The following BTC variants were observed in gnomAD, a reference collection of about 807,000 sequenced individuals.
The protein encoded by BTC is betacellulin.
BTC carries 13 observed loss-of-function variants against 18.1 expected under a neutral mutation model. The observed-to-expected ratio is 0.72, with a 90% CI of 0.47 to 1.14. BTC has a LOEUF of 1.14. Among genes scored for constraint, BTC ranks in the 50% most tolerant of loss-of-function variants. The probability of loss-of-function intolerance (pLI) is 0.00; values close to 1 mark genes in which losing one functional copy is unlikely to be tolerated. For synonymous variants in BTC, 83 were observed against 79.4 expected (o/e 1.05, Z -0.24); for missense variants, 247 against 224.2 (o/e 1.10, Z -0.65).
At chr4:74,755,629 C>G (rs544857072) in intron 3 of BTC, among the ~76,000 whole-genome samples, 1 of 152,284 alleles carries the variant, frequency 6.6e-6, no homozygotes, top group Admixed American at 6.5e-5. Flanking sequence ...ACTGCCCAGC[C>G]CAGAAGTGGA....
intron 1 of BTC, among the ~76,000 whole-genome samples, chr4:74,790,171 T>C (rs1725583865): frequency 1.3e-5 from 2 of 152,208 alleles, no homozygotes; most frequent in Admixed American, 6.5e-5. Flanking sequence ...TAGTAGAGCC[T>C]GATGACATTC....
chr4:74,793,661 C>T (rs1725690641), intron 1 of BTC, among the ~76,000 whole-genome samples: 1 of 152,134 alleles, frequency 6.6e-6, no homozygotes, highest in Non-Finnish European at 1.5e-5. Flanking sequence ...ATCTGAAGTT[C>T]CAGCTCTGCT....
chr4:74,792,880 T>C (rs990878670), intron 1 of BTC, among the ~76,000 whole-genome samples: 1 of 152,246 alleles, frequency 6.6e-6, no homozygotes, highest in Admixed American at 6.5e-5. Flanking sequence ...CAGGTTACCC[T>C]GCTGGGCTTG....
chr4:74,755,082 G>A (rs747441006), intron 3 of BTC, among the ~76,000 whole-genome samples: 69 of 151,834 alleles, frequency 4.5e-4, no homozygotes, highest in Admixed American at 1.6e-3. Context: ...AAAAGTTCAT[G>A]ACCCTTAAAG....
intron 3 of BTC, 147 bp downstream of exon 3, chr4:74,755,712 G>T: frequency 4.3e-6 from 3 of 698,594 alleles, no homozygotes; most frequent in Non-Finnish European, 7.4e-6. Flanking sequence ...TGCTGAGTGG[G>T]CCCCTAAACA....
intron 3 of BTC, among the ~76,000 whole-genome samples, chr4:74,754,730 A>G (rs1724550825): frequency 6.6e-6 from 1 of 152,208 alleles, no homozygotes; most frequent in African/African-American, 2.4e-5. Flanking sequence ...GGAACAATCT[A>G]TGTGTTGATC....
intron 2 of BTC, among the ~76,000 whole-genome samples, chr4:74,761,603 C>T (rs1245046453): frequency 6.6e-6 from 1 of 152,156 alleles, no homozygotes; most frequent in Non-Finnish European, 1.5e-5. Context: ...CTCAGTAAAT[C>T]ATATCCATTC....
chr4:74,755,839 G>T lies in BTC; in HGVS notation c.281+20C>A, dbSNP rs538759116. 6.2e-7 allele frequency: 1 copy of T among 1,609,342 alleles called. No homozygotes were observed. Among genetic ancestry groups the T allele is most frequent in the South Asian group, 1.1e-5 (1 of 90,946 alleles). ...CCATTCTGCACCCTTTTGCTTGCTG[G>T]CTGAGGACACTCCACTTACACACAG... On this transcript the variant is annotated intron_variant, in intron 3 of 5. Transcript: ENST00000395743.
At chr4:74,747,592 A>G (rs1205253700) in intron 5 of BTC, among the ~76,000 whole-genome samples, 2 of 152,102 alleles carry the variant, frequency 1.3e-5, no homozygotes, top group African/African-American at 4.8e-5. Flanking sequence ...TTGCATTACA[A>G]TCTCTCTATT....
intron 1 of BTC, among the ~76,000 whole-genome samples, chr4:74,784,866 T>C (rs1393049274): frequency 1.3e-5 from 2 of 152,224 alleles, no homozygotes; most frequent in African/African-American, 4.8e-5. Context: ...TCATCAAGGA[T>C]ATTGGCCTGA....
chr4:74,764,379 G>A (rs1246662196), intron 2 of BTC, among the ~76,000 whole-genome samples: 1 of 152,130 alleles, frequency 6.6e-6, no homozygotes, highest in Non-Finnish European at 1.5e-5. Flanking sequence ...GTGATGGGAA[G>A]GTCTGCATTG....
In BTC at chr4:74,748,741, T is replaced by C. The variant is rs868994401; in HGVS notation, c.429-592A>G. Among the ~76,000 whole-genome samples the C allele has an allele frequency of 4.6e-5, 7 of 152,306 alleles. No individual in the cohort carries two copies. In the South Asian group the frequency reaches 6.2e-4, roughly 14 times the overall value. On this transcript the variant is annotated intron_variant, in intron 4 of 5. Coordinates refer to ENST00000395743, the MANE Select transcript of BTC (RefSeq NM_001729.4). ...TAATAAGTATTATGTAGTGTACACG[T>C]AGTGTAAAAGAAACAGTACAAATTG...
chr4:74,788,436 C>T (rs767807266), intron 1 of BTC, among the ~76,000 whole-genome samples: 9 of 152,110 alleles, frequency 5.9e-5, no homozygotes, highest in East Asian at 1.9e-4. Context: ...TTAATCTGTA[C>T]GATGCAATTT....
chr4:74,793,819 A>G (rs115348551), intron 1 of BTC, among the ~76,000 whole-genome samples: 1,666 of 152,136 alleles, frequency 0.011, 31 homozygotes, highest in African/African-American at 0.039. Flanking sequence ...CTCCTGCAGG[A>G]TATGCTTCTT....
chr4:74,764,010 T>C (rs1457595273), intron 2 of BTC, among the ~76,000 whole-genome samples: 1 of 150,910 alleles, frequency 6.6e-6, no homozygotes, highest in Non-Finnish European at 1.5e-5. Flanking sequence ...ATAATAATAA[T>C]AAATTTTAAA....
At chr4:74,752,115 C>G (rs1553956243) in intron 3 of BTC, among the ~76,000 whole-genome samples, 1 of 152,102 alleles carries the variant, frequency 6.6e-6, no homozygotes, top group African/African-American at 2.4e-5. Flanking sequence ...GTAGCTGAGA[C>G]AGTGCTTCAA....
intron 1 of BTC, among the ~76,000 whole-genome samples, chr4:74,788,654 T>C (rs1467364084): frequency 6.6e-6 from 1 of 152,226 alleles, no homozygotes; most frequent in Non-Finnish European, 1.5e-5. Flanking sequence ...TCTGCCTTCC[T>C]CACTATCACG....
intron 3 of BTC, among the ~76,000 whole-genome samples, chr4:74,751,266 C>T (rs554615102): frequency 6.6e-6 from 1 of 152,074 alleles, no homozygotes; most frequent in Non-Finnish European, 1.5e-5. Flanking sequence ...GAATTTCTTT[C>T]GTCTTTCCTC....
chr4:74,748,536 A>G (rs1724360048), intron 4 of BTC, among the ~76,000 whole-genome samples: 1 of 146,254 alleles, frequency 6.8e-6, no homozygotes, highest in Admixed American at 6.8e-5. Context: ...ACTCCGTCAC[A>G]AAAAAAAAAA....
Sources: allele counts gnomAD v4.1 joint callset (sites outside exome capture counted in the v4.1 genomes callset), GRCh38; gene constraint gnomAD v4.1.1; transcripts MANE v1.5; gene names NCBI Gene and HGNC (gene_info 2026-07-23, HGNC 2026-07-21).